SPTA1: variants seen among roughly 807,000 people sequenced by gnomAD.
SPTA1 encodes spectrin alpha, erythrocytic 1, also known as spectrin alpha chain, erythrocytic 1.
A neutral mutation model predicts 324.7 loss-of-function variants in SPTA1; 177 were observed. That is an observed-to-expected ratio of 0.55 (90% CI 0.48 to 0.62). The LOEUF is 0.62. Among genes scored for constraint, SPTA1 ranks in the 20% least tolerant of loss-of-function variants. SPTA1 has a pLI of 0.00. For synonymous variants in SPTA1, 1,195 were observed against 1,041.3 expected, an observed-to-expected ratio of 1.15 and a Z score of -2.84; for missense variants, 3,162 against 2,883.6, an observed-to-expected ratio of 1.10 and a Z score of -2.21.
At chr1:158,620,852 A>AG (rs1649863749) in intron 43 of SPTA1, 1 of 176,862 alleles carries the variant, frequency 5.7e-6, no homozygotes, top group Admixed American at 5.7e-5. Context: ...AAAAAAAAAA[A>AG]AAAAAAAAAG....
rs1653599273 is a variant in SPTA1 at position 158,666,346 on chromosome 1, G to T, written c.2190C>A (p.Gly730=). ...GAGCAGCCACAGCCGACTCCAGGAG[G>T]CCGTGTTTCCTGAGTCGATTCTGTA... is the stretch of plus-strand genomic sequence containing the variant. The part of the protein sequence containing the change: ...AEVQNRLRKH[G]LLESAVAARQ... The change falls in exon 16 of 52, where the codon GGC becomes GGA. Residue 730 remains glycine, a synonymous_variant. Coordinates refer to ENST00000643759, the MANE Select transcript of SPTA1 (RefSeq NM_003126.4). 1 of 1,613,700 alleles carries T rather than the reference G, an allele frequency of 6.2e-7. No homozygotes were observed. The highest frequency in any genetic ancestry group is 1.3e-5 in the African/African-American group (1 of 74,824).
chr1:158,616,388 C>T lies in SPTA1; in HGVS notation c.6601-985G>A, dbSNP rs565174975. On this transcript the variant is annotated intron_variant, in intron 47 of 51. Transcript: ENST00000643759. The stretch of plus-strand genomic sequence containing the variant: ...TATATTTATACCCAATAATCAACCT[C>T]TCTTCATTCCTCTATCTCCCCCTAC... Among the ~76,000 whole-genome samples the T allele has an allele frequency of 2.6e-5, 4 of 152,190 alleles. No homozygotes were observed. In the East Asian group the frequency reaches 7.7e-4, roughly 29 times the overall value.
chr1:158,657,504 G>T lies in SPTA1; in HGVS notation c.2778C>A (p.Asn926Lys), dbSNP rs1571469538. The T allele has an allele frequency of 1.2e-5, 19 of 1,602,388 alleles. No homozygotes were observed. Among genetic ancestry groups the T allele is most frequent in the African/African-American group, 5.4e-5 (4 of 74,656 alleles). Residue 926 changes from asparagine to lysine, a missense_variant, in exon 19 of 52, where the codon AAC (asparagine) becomes AAA (lysine). Physicochemically the swap from Asn to Lys is moderately conservative, Grantham distance 94. Coordinates refer to ENST00000643759, the MANE Select transcript of SPTA1 (RefSeq NM_003126.4). ...REKEPIVDNT[N>K]YGADEEAAGA... ...CAGCTGCTTCTTCATCAGCACCATA[G>T]TTAGTATTATCTACAATAGGTTCCT...
chr1:158,618,000 T>C, intron 46 of SPTA1, 39 bp downstream of exon 46: 1 of 1,586,046 alleles, frequency 6.3e-7, no homozygotes, highest in East Asian at 2.2e-5. Context: ...TCCATAATAA[T>C]ATAATAAAGC....
chr1:158,672,429 A>G (rs949941641), intron 10 of SPTA1, among the ~76,000 whole-genome samples: 19 of 152,214 alleles, frequency 1.2e-4, no homozygotes, highest in African/African-American at 4.6e-4. Flanking sequence ...AATTCTAATT[A>G]AGAGAGCCAG....
At chr1:158,685,450 G>T (rs939467252) in intron 1 of SPTA1, 103 bp from the exon 2 acceptor site, 15 of 1,521,502 alleles carry the variant, frequency 9.9e-6, no homozygotes, top group Non-Finnish European at 1.3e-5. Context: ...CCTATATTCA[G>T]ATATCCTGAA....
intron 6 of SPTA1, among the ~76,000 whole-genome samples, 165 bp downstream of exon 6, chr1:158,678,236 A>G (rs936969792): frequency 2.0e-5 from 3 of 152,150 alleles, no homozygotes; most frequent in Admixed American, 1.3e-4. Flanking sequence ...TAGGTCACAG[A>G]TTTCTTTACC....
chr1:158,664,920 T>C (rs953091716), intron 16 of SPTA1, among the ~76,000 whole-genome samples: 4 of 152,250 alleles, frequency 2.6e-5, no homozygotes, highest in Admixed American at 1.3e-4. Context: ...CCATTTGATC[T>C]TGGGGAAAGT....
intron 18 of SPTA1, among the ~76,000 whole-genome samples, chr1:158,661,041 A>G (rs1324911964): frequency 6.6e-6 from 1 of 152,188 alleles, no homozygotes; most frequent in African/African-American, 2.4e-5. Context: ...TGATTAGGAT[A>G]AAGACATTTT....
At chr1:158,613,207 A>T (rs1334669658) in intron 50 of SPTA1, among the ~76,000 whole-genome samples, 3 of 151,874 alleles carry the variant, frequency 2.0e-5, no homozygotes, top group Non-Finnish European at 2.9e-5. Context: ...CTGTTTCAAC[A>T]TGGGTCATTC....
chr1:158,650,442 A>G (rs1452893140), intron 24 of SPTA1, among the ~76,000 whole-genome samples: 8 of 152,218 alleles, frequency 5.3e-5, no homozygotes, highest in Admixed American at 5.2e-4. Context: ...CTCACTGACT[A>G]TGGCATTCCA....
chr1:158,626,789 T>C, intron 41 of SPTA1, 50 bp downstream of exon 41: 1 of 1,610,304 alleles, frequency 6.2e-7, no homozygotes, highest in South Asian at 1.1e-5. Context: ...ATGGATGGGA[T>C]TTATTAGGGT....
chr1:158,617,462 C>T (rs1026291145), intron 47 of SPTA1, 75 bp downstream of exon 47: 34 of 1,245,940 alleles, frequency 2.7e-5, no homozygotes, highest in Middle Eastern at 4.2e-4. Flanking sequence ...ATCACCTGGG[C>T]TTCCCTTAGG....
chr1:158,625,097 A>T (rs1650185351), intron 42 of SPTA1, among the ~76,000 whole-genome samples: 1 of 152,246 alleles, frequency 6.6e-6, no homozygotes, highest in Non-Finnish European at 1.5e-5. Flanking sequence ...AAATTATCAA[A>T]TTAGATAAAG....
chr1:158,615,499 C>T lies in SPTA1; in HGVS notation c.6601-96G>A, dbSNP rs1452695454. The T allele has an allele frequency of 3.2e-6, 4 of 1,237,534 alleles. No homozygotes were observed. The African/African-American group carries it at 6.0e-5, about 18-fold the overall frequency. The allele number at this position is 1,237,534 out of a possible 1,614,324, so 76.7% of individuals were successfully genotyped here. A position where few individuals can be genotyped will look rare whatever the true frequency, so the allele number is the denominator to read the frequency against. ...GGAGATAACAGGCTGATTTTATTTT[C>T]AGGAATCTTCTTGTTCTCTGTGAAA... On this transcript the variant is annotated intron_variant, in intron 47 of 51. Coordinates refer to ENST00000643759, the MANE Select transcript of SPTA1 (RefSeq NM_003126.4).
intron 13 of SPTA1, 69 bp from the exon 14 acceptor site, chr1:158,669,632 C>T (rs1284374325): frequency 6.2e-7 from 1 of 1,613,292 alleles, no homozygotes; most frequent in African/African-American, 1.3e-5. Context: ...CGCTGACCAC[C>T]CTGGTCACCA....
At chr1:158,682,894 A>G (rs1212826320) in intron 3 of SPTA1, among the ~76,000 whole-genome samples, 3 of 152,174 alleles carry the variant, frequency 2.0e-5, no homozygotes, top group East Asian at 1.9e-4. Flanking sequence ...AAGAAGGGAC[A>G]GTTTGGAGAG....
intron 10 of SPTA1, among the ~76,000 whole-genome samples, chr1:158,673,498 G>A (rs780788265): frequency 1.7e-4 from 26 of 152,190 alleles, no homozygotes; most frequent in Non-Finnish European, 1.5e-4. Flanking sequence ...GTGGAATGCT[G>A]GGTGTTTAAG....
At position 158,619,365 on chromosome 1, in the gene SPTA1, G is replaced by A. The variant is rs752059321; in HGVS notation, c.6418-31C>T. The A allele has an allele frequency of 2.5e-6, 4 of 1,602,174 alleles. No homozygotes were observed. The South Asian group carries it at 4.4e-5, about 18-fold the overall frequency. ...ACCCCAAATCACAGACAACGTGACT[G>A]ACATCGAAGGCCTTTCTTTGCCATA... On this transcript the variant is annotated intron_variant, in intron 44 of 51. Coordinates refer to ENST00000643759, the MANE Select transcript of SPTA1 (RefSeq NM_003126.4).
Sources: gnomAD v4.1 joint callset for allele counts (sites outside exome capture counted in the v4.1 genomes callset) on GRCh38, gnomAD v4.1.1 for gene constraint, MANE v1.5 for transcripts, NCBI Gene and HGNC (gene_info 2026-07-23, HGNC 2026-07-21) for gene names.